Variants in DIAPH3 observed in about 807,000 individuals in gnomAD.
DIAPH3 encodes the protein diaphanous related formin 3.
A neutral mutation model predicts 144.3 loss-of-function variants in DIAPH3; 117 were observed. The observed-to-expected ratio is 0.81, with a 90% confidence interval of 0.70 to 0.95. The LOEUF (loss-of-function observed/expected upper bound fraction) is 0.95. DIAPH3 is among the 40% of genes least tolerant of loss of function. The pLI is 0.00. For synonymous variants in DIAPH3, 519 were observed against 488.9 expected (o/e 1.06, Z -0.81); for missense variants, 1,421 against 1,412.7 (o/e 1.01, Z -0.09).
chr13:59,755,195 G>T (rs2037195593), intron 27 of DIAPH3, among the ~76,000 whole-genome samples: 1 of 152,122 alleles, frequency 6.6e-6, no homozygotes, highest in South Asian at 2.1e-4. Flanking sequence ...CACAGAACTT[G>T]TTTCAATACC....
intron 27 of DIAPH3, among the ~76,000 whole-genome samples, chr13:59,770,616 G>T (rs2038073812): frequency 1.3e-5 from 2 of 152,092 alleles, no homozygotes; most frequent in Admixed American, 6.6e-5. Flanking sequence ...GCTCACTCTT[G>T]CCCTTGGGTT....
At chr13:59,686,597 A>G (rs1477825020) in intron 27 of DIAPH3, among the ~76,000 whole-genome samples, 26 of 152,008 alleles carry the variant, frequency 1.7e-4, no homozygotes, top group Admixed American at 1.6e-3. Context: ...CGGACAAAAC[A>G]TGGTATTCAT....
rs571074293 is a variant in DIAPH3, at chr13:60,076,527, T to G, written c.495+17101A>C. 7.9e-5 allele frequency among the ~76,000 whole-genome samples: 12 copies of G among 152,272 alleles called. 1 individual carries two copies. The East Asian group carries it at 2.3e-3, about 29-fold the overall frequency. On this transcript the variant is annotated intron_variant, in intron 4 of 27. Coordinates refer to ENST00000400324, the MANE Select transcript of DIAPH3 (RefSeq NM_001042517.2). ...CATAACAGGAAAGTCATATTTAATT[T>G]TTCTGTTATAGAAATCTTAGTTTTA...
intron 25 of DIAPH3, among the ~76,000 whole-genome samples, chr13:59,793,952 A>G (rs1374305430): frequency 6.6e-6 from 1 of 152,188 alleles, no homozygotes; most frequent in East Asian, 1.9e-4. Context: ...ACTGTTCCCA[A>G]CTTACAATTT....
intron 5 of DIAPH3, among the ~76,000 whole-genome samples, chr13:60,040,141 C>A (rs1482355872): frequency 2.8e-5 from 4 of 141,642 alleles, no homozygotes; most frequent in African/African-American, 1.0e-4. Context: ...GCAGGAGAAT[C>A]GCTTGAACTC....
At chr13:59,986,738 T>A (rs1594232850) in intron 12 of DIAPH3, among the ~76,000 whole-genome samples, 2 of 148,986 alleles carry the variant, frequency 1.3e-5, no homozygotes, top group Admixed American at 6.8e-5. Context: ...TCATCATCAC[T>A]GGCCATCAGA....
chr13:59,777,081 T>C (rs1022372201), intron 25 of DIAPH3, among the ~76,000 whole-genome samples: 6 of 152,200 alleles, frequency 3.9e-5, no homozygotes, highest in Admixed American at 1.3e-4. Context: ...GGTTTCTACA[T>C]ACCATTACTC....
chr13:59,851,319 C>T (rs2042955291), intron 22 of DIAPH3, among the ~76,000 whole-genome samples: 2 of 152,170 alleles, frequency 1.3e-5, no homozygotes, highest in Non-Finnish European at 2.9e-5. Context: ...ACTTGCTTTT[C>T]CCTTTGCCTG....
At chr13:60,124,568 A>G (rs1012206641) in intron 2 of DIAPH3, among the ~76,000 whole-genome samples, 1 of 152,176 alleles carries the variant, frequency 6.6e-6, no homozygotes, top group Non-Finnish European at 1.5e-5. Context: ...TCTCCGGATT[A>G]AGGTCAATGG....
chr13:59,705,874 C>T (rs2034393117), intron 27 of DIAPH3, among the ~76,000 whole-genome samples: 2 of 152,032 alleles, frequency 1.3e-5, no homozygotes, highest in South Asian at 4.2e-4. Context: ...GCTGATATTA[C>T]TAAGCAGGTT....
intron 27 of DIAPH3, among the ~76,000 whole-genome samples, chr13:59,751,150 C>T (rs1026654595): frequency 6.6e-6 from 1 of 152,270 alleles, no homozygotes. Context: ...AATTAGCATT[C>T]GCCCTGCTCC....
At chr13:60,028,885 C>A (rs567931906) in intron 5 of DIAPH3, among the ~76,000 whole-genome samples, 2 of 152,084 alleles carry the variant, frequency 1.3e-5, no homozygotes, top group Admixed American at 6.6e-5. Context: ...ATGGTGAAAC[C>A]CCATCTCTAC....
At chr13:60,047,902 T>C (rs1398356589) in intron 4 of DIAPH3, among the ~76,000 whole-genome samples, 1 of 151,876 alleles carries the variant, frequency 6.6e-6, no homozygotes, top group Non-Finnish European at 1.5e-5. Context: ...CTGTATAGAG[T>C]CTGAGATTTC....
chr13:60,053,921 T>C (rs752925725), intron 4 of DIAPH3, among the ~76,000 whole-genome samples: 114 of 152,088 alleles, frequency 7.5e-4, no homozygotes, highest in Non-Finnish European at 1.4e-3. Context: ...CCAATATCAA[T>C]CAGGACAATG....
chr13:59,763,226 A>C (rs892976015), intron 27 of DIAPH3, among the ~76,000 whole-genome samples: 3 of 151,904 alleles, frequency 2.0e-5, no homozygotes, highest in Admixed American at 1.3e-4. Context: ...ATGTGTATAC[A>C]TGTGTGTATA....
At chr13:60,037,984 G>T (rs946038594) in intron 5 of DIAPH3, among the ~76,000 whole-genome samples, 1 of 152,024 alleles carries the variant, frequency 6.6e-6, no homozygotes, top group African/African-American at 2.4e-5. Context: ...CATGGAAGAT[G>T]ACTGGTTAAC....
At chr13:59,713,619 T>C (rs888282489) in intron 27 of DIAPH3, among the ~76,000 whole-genome samples, 3 of 85,634 alleles carry the variant, frequency 3.5e-5, no homozygotes, top group South Asian at 8.4e-4. Context: ...GAGTTAATAT[T>C]TGAGGAAGGG....
intron 9 of DIAPH3, among the ~76,000 whole-genome samples, chr13:60,008,129 C>T (rs756590534): frequency 1.3e-5 from 2 of 152,184 alleles, no homozygotes; most frequent in Admixed American, 6.5e-5. Flanking sequence ...CGCAGTGGCT[C>T]ATGCCTGTAA....
chr13:60,017,137 C>T (rs896954990), intron 5 of DIAPH3, among the ~76,000 whole-genome samples: 3 of 152,166 alleles, frequency 2.0e-5, no homozygotes, highest in Admixed American at 1.3e-4. Flanking sequence ...GGCGTGGTGG[C>T]TCCTGCCTGT....
Sources: gnomAD v4.1 joint callset for allele counts (sites outside exome capture counted in the v4.1 genomes callset) on GRCh38, gnomAD v4.1.1 for gene constraint, MANE v1.5 for transcripts, NCBI Gene and HGNC (gene_info 2026-07-23, HGNC 2026-07-21) for gene names.